SNTG1: variants seen among roughly 807,000 people sequenced by gnomAD.
The protein encoded by SNTG1 is syntrophin gamma 1.
SNTG1 carries 39 observed loss-of-function variants against 74.7 expected under a neutral mutation model. The ratio of observed to expected loss-of-function variants is 0.52; its 90% CI spans 0.40 to 0.68. The LOEUF (loss-of-function observed/expected upper bound fraction) is 0.68, where lower values mean the gene tolerates loss of function less well. Ranked by LOEUF, SNTG1 falls within the 30% of genes least tolerant of loss-of-function variation. The pLI is 0.00. For missense variants in SNTG1, 685 were observed against 609.5 expected (o/e 1.12, Z -1.30); for synonymous variants, 254 against 217.1 (o/e 1.17, Z -1.49).
chr8:50,148,940 T>C (rs2081968450), intron 1 of SNTG1, among the ~76,000 whole-genome samples: 1 of 152,186 alleles, frequency 6.6e-6, no homozygotes, highest in Admixed American at 6.5e-5. Context: ...GGTGAAATGG[T>C]ATTTCTAGTT....
At chr8:50,743,212 T>G (rs2095547516) in intron 17 of SNTG1, among the ~76,000 whole-genome samples, 1 of 151,698 alleles carries the variant, frequency 6.6e-6, no homozygotes, top group Admixed American at 6.6e-5. Context: ...AAGAAAATAG[T>G]AGCTCAATAT....
chr8:49,958,176 C>T (rs1247898485), intron 1 of SNTG1, among the ~76,000 whole-genome samples: 1 of 152,018 alleles, frequency 6.6e-6, no homozygotes, highest in African/African-American at 2.4e-5. Context: ...ATGCAGAGGC[C>T]CACAAAAGGA....
At chr8:50,184,655 C>G (rs531244574) in intron 2 of SNTG1, among the ~76,000 whole-genome samples, 2 of 152,168 alleles carry the variant, frequency 1.3e-5, no homozygotes, top group South Asian at 4.1e-4. Context: ...TCCACTGAAA[C>G]CATTCTTATC....
At chr8:50,203,455 A>C (rs1305870782) in intron 2 of SNTG1, among the ~76,000 whole-genome samples, 4 of 152,116 alleles carry the variant, frequency 2.6e-5, no homozygotes, top group African/African-American at 9.7e-5. Flanking sequence ...ATTAACTTTC[A>C]GTGCATTCAT....
intron 15 of SNTG1, among the ~76,000 whole-genome samples, chr8:50,683,212 C>G (rs2095338202): frequency 6.6e-6 from 1 of 152,076 alleles, no homozygotes; most frequent in Non-Finnish European, 1.5e-5. Context: ...TCTGTAGCCC[C>G]CAAATAAAAC....
In SNTG1 at chr8:50,595,896, T is replaced by A. The variant is rs560191573; in HGVS notation, c.849+4979T>A. Among the ~76,000 whole-genome samples the A allele has an allele frequency of 3.9e-5, 6 of 152,180 alleles. No individual in the cohort carries two copies. In the South Asian group the frequency reaches 1.2e-3, roughly 32 times the overall value. On this transcript the variant is annotated intron_variant, in intron 13 of 18. Transcript: ENST00000642720. ...TCCCATTAATGCACATTTGCTTCAT[T>A]TTAAGTTTTAGTGTATTACAGATAA...
chr8:50,211,126 A>T (rs896473856), intron 2 of SNTG1, among the ~76,000 whole-genome samples: 1 of 152,170 alleles, frequency 6.6e-6, no homozygotes, highest in Admixed American at 6.5e-5. Context: ...ATCCCAAAAT[A>T]TGTTGACTCT....
chr8:50,170,122 T>C (rs4873412), intron 1 of SNTG1, among the ~76,000 whole-genome samples: 46,281 of 152,072 alleles, frequency 0.3, 7,177 homozygotes, highest in South Asian at 0.43. Context: ...TTCTAATGTC[T>C]GCTCACCTCT....
intron 1 of SNTG1, among the ~76,000 whole-genome samples, chr8:49,924,483 C>G (rs1223794199): frequency 6.6e-6 from 1 of 152,008 alleles, no homozygotes; most frequent in African/African-American, 2.4e-5. Flanking sequence ...TTTTAAAAAC[C>G]AAGTTTAGTT....
At chr8:50,691,786 A>C (rs1034734529) in intron 15 of SNTG1, among the ~76,000 whole-genome samples, 3 of 152,144 alleles carry the variant, frequency 2.0e-5, no homozygotes, top group Admixed American at 1.3e-4. Flanking sequence ...CTGAATTTGA[A>C]TGTTGGCCTG....
chr8:50,785,989 G>A (rs1350554766), intron 18 of SNTG1, among the ~76,000 whole-genome samples: 1 of 151,866 alleles, frequency 6.6e-6, no homozygotes, highest in African/African-American at 2.4e-5. Flanking sequence ...AGAAAACTAA[G>A]TATTGAAGGA....
At chr8:50,553,754 C>T (rs2094440278) in intron 12 of SNTG1, among the ~76,000 whole-genome samples, 3 of 152,128 alleles carry the variant, frequency 2.0e-5, no homozygotes, top group Non-Finnish European at 2.9e-5. Flanking sequence ...TATTTTAACT[C>T]TTTAATAACC....
chr8:50,539,709 A>G (rs1284329256), intron 11 of SNTG1, among the ~76,000 whole-genome samples: 1 of 152,134 alleles, frequency 6.6e-6, no homozygotes, highest in African/African-American at 2.4e-5. Context: ...ATGACACCCC[A>G]CTGACACTAC....
In SNTG1 at chr8:50,121,909, C is replaced by G. The variant is rs752052139; in HGVS notation, c.-102-50652C>G. On this transcript the variant is annotated intron_variant, in intron 1 of 18. Transcript: ENST00000642720. ...ATAAATGCAATAAGGCAATAATATA[C>G]ACTTTAAATACAAATCTTAAGTTTT... Among the ~76,000 whole-genome samples, 5 of 142,212 alleles carry G rather than the reference C, an allele frequency of 3.5e-5. 1 individual carries two copies. The highest frequency in any genetic ancestry group is 7.8e-5 in the Non-Finnish European group (5 of 63,876). 93.3% of individuals were successfully genotyped at this position (142,212 alleles called of 152,430 possible). A position where few individuals can be genotyped will look rare whatever the true frequency, so the allele number is the denominator to read the frequency against.
At chr8:50,047,661 T>A (rs939318087) in intron 1 of SNTG1, among the ~76,000 whole-genome samples, 2 of 152,148 alleles carry the variant, frequency 1.3e-5, no homozygotes, top group Non-Finnish European at 2.9e-5. Flanking sequence ...AGTAAGTATA[T>A]GTAATAGGAT....
At chr8:50,226,511 C>A (rs1383780719) in intron 2 of SNTG1, among the ~76,000 whole-genome samples, 2 of 152,150 alleles carry the variant, frequency 1.3e-5, no homozygotes, top group African/African-American at 4.8e-5. Context: ...TCTGTTGTCT[C>A]TAAGGGCAGC....
chr8:50,765,079 G>T (rs1275889392), intron 18 of SNTG1, among the ~76,000 whole-genome samples: 1 of 151,994 alleles, frequency 6.6e-6, no homozygotes, highest in African/African-American at 2.4e-5. Flanking sequence ...CAGAAGAGAA[G>T]TAGTATTTAC....
chr8:50,324,778 C>A (rs1347779733), intron 2 of SNTG1, among the ~76,000 whole-genome samples: 1 of 151,830 alleles, frequency 6.6e-6, no homozygotes, highest in African/African-American at 2.4e-5. Context: ...TCAATAATTT[C>A]TTTCATGAAC....
intron 8 of SNTG1, among the ~76,000 whole-genome samples, chr8:50,472,980 TATTCTC>T (rs1192137114): frequency 6.6e-6 from 1 of 152,176 alleles, no homozygotes; most frequent in Non-Finnish European, 1.5e-5. Flanking sequence ...CACAAAGTGA[TATTCTC>T]AAACCAGTTA....
Sources: gnomAD v4.1 joint callset for allele counts (sites outside exome capture counted in the v4.1 genomes callset) on GRCh38, gnomAD v4.1.1 for gene constraint, MANE v1.5 for transcripts, NCBI Gene and HGNC (gene_info 2026-07-23, HGNC 2026-07-21) for gene names.